The following VPS13B variants were observed in gnomAD, a reference collection of about 807,000 sequenced individuals.
VPS13B encodes intermembrane lipid transfer protein VPS13B.
In VPS13B, 285 loss-of-function variants were observed where a neutral mutation model predicts 426.4. That is an observed-to-expected ratio of 0.67 (90% CI 0.61 to 0.74). The LOEUF is 0.74. Ranked by LOEUF, VPS13B falls within the 30% of genes least tolerant of loss-of-function variation. VPS13B has a pLI of 0.00. For missense variants in VPS13B, 4,537 were observed against 4,782.6 expected (o/e 0.95, Z 1.51); for synonymous variants, 1,676 against 1,676.4 (o/e 1.00, Z 0.01).
intron 35 of VPS13B, among the ~76,000 whole-genome samples, chr8:99,674,390 C>T (rs1830839127): frequency 6.6e-6 from 1 of 151,974 alleles, no homozygotes; most frequent in South Asian, 2.1e-4. Context: ...ATAAGTATAG[C>T]TACTTTTACT....
intron 2 of VPS13B, among the ~76,000 whole-genome samples, 163 bp downstream of exon 2, chr8:99,014,098 TTTTC>T (rs1179027671): frequency 1.2e-4 from 18 of 147,448 alleles, no homozygotes; most frequent in African/African-American, 3.0e-4. Context: ...ACTATTTTCT[TTTTC>T]TTTCTTTCTT....
intron 17 of VPS13B, among the ~76,000 whole-genome samples, chr8:99,252,222 G>C (rs1184469531): frequency 6.6e-6 from 1 of 151,732 alleles, no homozygotes; most frequent in Non-Finnish European, 1.5e-5. Context: ...TTCTCTCTCT[G>C]TACTACTTTA....
At chr8:99,278,999 C>T (rs893676404) in intron 19 of VPS13B, among the ~76,000 whole-genome samples, 2 of 152,168 alleles carry the variant, frequency 1.3e-5, no homozygotes, top group African/African-American at 2.4e-5. Flanking sequence ...TACAACAGGT[C>T]ACATAGAGAA....
At chr8:99,560,313 A>G (rs1170257032) in intron 31 of VPS13B, among the ~76,000 whole-genome samples, 1 of 152,192 alleles carries the variant, frequency 6.6e-6, no homozygotes, top group Non-Finnish European at 1.5e-5. Context: ...TTGGGCTGAG[A>G]CGATGGGATT....
intron 44 of VPS13B, among the ~76,000 whole-genome samples, chr8:99,812,715 C>A (rs988306490): frequency 2.6e-5 from 4 of 152,166 alleles, no homozygotes; most frequent in African/African-American, 4.8e-5. Flanking sequence ...CTTTACTACT[C>A]TAAAATCTCA....
At chr8:99,322,158 GT>G (rs1339059127) in intron 19 of VPS13B, among the ~76,000 whole-genome samples, 1 of 151,988 alleles carries the variant, frequency 6.6e-6, no homozygotes, top group East Asian at 1.9e-4. Flanking sequence ...GTGTAATTTT[GT>G]TCTTTTCCTA....
intron 3 of VPS13B, among the ~76,000 whole-genome samples, chr8:99,040,646 T>C (rs1842927411): frequency 6.6e-6 from 1 of 152,186 alleles, no homozygotes; most frequent in Admixed American, 6.5e-5. Context: ...TTAGTTTATA[T>C]TCAAAGTATT....
intron 17 of VPS13B, among the ~76,000 whole-genome samples, chr8:99,273,608 A>G (rs1818723162): frequency 6.6e-6 from 1 of 151,846 alleles, no homozygotes. Context: ...AACATGCTGA[A>G]ACCGCGTCTC....
chr8:99,635,062 AC>A (rs1302567784), intron 33 of VPS13B, among the ~76,000 whole-genome samples: 7 of 151,912 alleles, frequency 4.6e-5, no homozygotes, highest in African/African-American at 1.7e-4. Context: ...CATCCCACAA[AC>A]TTCTAAAGCA....
chr8:99,833,943 T>G (rs1815230494), intron 52 of VPS13B, among the ~76,000 whole-genome samples: 1 of 152,228 alleles, frequency 6.6e-6, no homozygotes, highest in African/African-American at 2.4e-5. Context: ...AGAACTATAC[T>G]CTTAAAATGA....
intron 15 of VPS13B, among the ~76,000 whole-genome samples, chr8:99,162,935 C>T (rs1389177161): frequency 5.3e-5 from 8 of 152,052 alleles, no homozygotes; most frequent in African/African-American, 9.7e-5. Context: ...CTGATTGGTG[C>T]GTTTACAATC....
intron 42 of VPS13B, among the ~76,000 whole-genome samples, chr8:99,779,543 A>ATT (rs1811909867): frequency 6.6e-6 from 1 of 152,202 alleles, no homozygotes; most frequent in South Asian, 2.1e-4. Flanking sequence ...TTCACTAAAA[A>ATT]GTACTAGATA....
intron 19 of VPS13B, among the ~76,000 whole-genome samples, chr8:99,317,938 G>A (rs1202419367): frequency 6.6e-6 from 1 of 152,102 alleles, no homozygotes; most frequent in East Asian, 1.9e-4. Flanking sequence ...TTTTATATAT[G>A]TATATATATG....
intron 17 of VPS13B, among the ~76,000 whole-genome samples, chr8:99,221,334 T>G (rs1424183480): frequency 1.3e-5 from 2 of 151,930 alleles, no homozygotes; most frequent in African/African-American, 4.8e-5. Context: ...AAATGGTATT[T>G]CTAGTTCTAG....
At chr8:99,505,739 G>A (rs1042516436) in intron 27 of VPS13B, among the ~76,000 whole-genome samples, 5 of 152,004 alleles carry the variant, frequency 3.3e-5, no homozygotes, top group Middle Eastern at 3.2e-3. Flanking sequence ...TGGAAAAAAC[G>A]CTGCTGATGG....
intron 39 of VPS13B, among the ~76,000 whole-genome samples, chr8:99,761,881 G>A (rs957699239): frequency 4.6e-5 from 7 of 152,038 alleles, no homozygotes; most frequent in African/African-American, 7.2e-5. Flanking sequence ...TATGGGACAC[G>A]TAATGTTTTG....
chr8:99,833,198 A>G (rs544508157), intron 52 of VPS13B, among the ~76,000 whole-genome samples: 8 of 151,774 alleles, frequency 5.3e-5, no homozygotes, highest in South Asian at 4.2e-4. Flanking sequence ...AGTTGCTCCA[A>G]TTACCGATTA....
intron 33 of VPS13B, among the ~76,000 whole-genome samples, chr8:99,631,055 G>A (rs1174223787): frequency 6.6e-6 from 1 of 152,156 alleles, no homozygotes; most frequent in Non-Finnish European, 1.5e-5. Flanking sequence ...CATTAGATAT[G>A]TTGTTTATGA....
intron 19 of VPS13B, among the ~76,000 whole-genome samples, chr8:99,312,987 C>T (rs72672359): frequency 8.6e-4 from 131 of 152,276 alleles, no homozygotes; most frequent in Non-Finnish European, 1.2e-3. Context: ...GCATTTGTCA[C>T]GTAGTTCTCG....
Sources: allele counts gnomAD v4.1 joint callset (sites outside exome capture counted in the v4.1 genomes callset), GRCh38; gene constraint gnomAD v4.1.1; transcripts MANE v1.5; gene names NCBI Gene and HGNC (gene_info 2026-07-23, HGNC 2026-07-21).